The following DISC1 variants were observed in gnomAD, a reference collection of about 807,000 sequenced individuals.
DISC1 encodes DISC1 scaffold protein.
Under a neutral mutation model 84.5 loss-of-function variants are expected in DISC1, and 57 were observed. The observed-to-expected ratio is 0.67, with a 90% CI of 0.55 to 0.84. DISC1 has a LOEUF of 0.84. Among genes scored for constraint, DISC1 ranks in the 40% least tolerant of loss-of-function variants. The probability of loss-of-function intolerance (pLI) is 0.00; values close to 1 mark genes in which losing one functional copy is unlikely to be tolerated. For missense variants in DISC1, 1,000 were observed against 1,057.8 expected (o/e 0.95, Z 0.76); for synonymous variants, 411 against 415.2 (o/e 0.99, Z 0.12).
chr1:231,833,198 G>C (rs1271095073), intron 9 of DISC1, among the ~76,000 whole-genome samples: 2 of 150,658 alleles, frequency 1.3e-5, no homozygotes, highest in Non-Finnish European at 2.9e-5. Flanking sequence ...GAACTGGACA[G>C]GTGGGGACAA....
intron 9 of DISC1, among the ~76,000 whole-genome samples, chr1:231,877,831 A>T (rs1304943943): frequency 6.6e-6 from 1 of 152,246 alleles, no homozygotes; most frequent in African/African-American, 2.4e-5. Context: ...ATGTGCATGG[A>T]ATCAGCTTAT....
chr1:231,735,017 G>A (rs759489247), intron 3 of DISC1, among the ~76,000 whole-genome samples: 1 of 152,154 alleles, frequency 6.6e-6, no homozygotes, highest in Non-Finnish European at 1.5e-5. Flanking sequence ...AGTAGCATAA[G>A]TAACTTGTAG....
chr1:231,880,361 C>T (rs2086203970), intron 9 of DISC1, among the ~76,000 whole-genome samples: 1 of 152,084 alleles, frequency 6.6e-6, no homozygotes, highest in Non-Finnish European at 1.5e-5. Flanking sequence ...TCTGTTATAG[C>T]AATAAAAACC....
intron 9 of DISC1, among the ~76,000 whole-genome samples, chr1:231,884,737 T>C (rs981576841): frequency 3.3e-5 from 5 of 151,286 alleles, no homozygotes; most frequent in Non-Finnish European, 7.4e-5. Flanking sequence ...CAAACCTTCA[T>C]GACATGAAAT....
At chr1:231,753,116 G>A (rs2074785057) in intron 4 of DISC1, among the ~76,000 whole-genome samples, 2 of 152,232 alleles carry the variant, frequency 1.3e-5, no homozygotes. Flanking sequence ...GGGTCTGCAG[G>A]ATGGTGGCCC....
intron 10 of DISC1, among the ~76,000 whole-genome samples, chr1:232,006,820 T>C (rs569071719): frequency 2.0e-5 from 3 of 152,294 alleles, no homozygotes; most frequent in Admixed American, 2.0e-4. Flanking sequence ...TCAGAGGTCT[T>C]CATGGCAGCC....
chr1:231,957,870 G>A (rs898775944), intron 9 of DISC1, among the ~76,000 whole-genome samples: 1 of 152,132 alleles, frequency 6.6e-6, no homozygotes, highest in African/African-American at 2.4e-5. Flanking sequence ...AGAATCCCCA[G>A]ACACTCCAGT....
chr1:231,958,679 C>T (rs1659949266), intron 9 of DISC1, 149 bp from the exon 10 acceptor site: 2 of 814,074 alleles, frequency 2.5e-6, no homozygotes, highest in Non-Finnish European at 4.0e-6. Context: ...GGCAGCCACT[C>T]CAGTGGATTT....
intron 9 of DISC1, among the ~76,000 whole-genome samples, chr1:231,840,600 C>A (rs1011576064): frequency 6.6e-6 from 1 of 152,092 alleles, no homozygotes; most frequent in Admixed American, 6.5e-5. Flanking sequence ...GGAAAAGAGA[C>A]CTCTAAGGGC....
chr1:231,731,683 T>A (rs1419541295), intron 3 of DISC1, among the ~76,000 whole-genome samples: 1 of 152,244 alleles, frequency 6.6e-6, no homozygotes, highest in African/African-American at 2.4e-5. Context: ...GTTTCCAAAT[T>A]AACTGAGAAG....
At chr1:231,712,493 A>C (rs1441233384) in intron 3 of DISC1, among the ~76,000 whole-genome samples, 1 of 152,256 alleles carries the variant, frequency 6.6e-6, no homozygotes, top group Admixed American at 6.5e-5. Flanking sequence ...AAGTTTAAGC[A>C]ACCAAGCAAA....
chr1:231,868,745 C>T (rs2085247417), intron 9 of DISC1, among the ~76,000 whole-genome samples: 1 of 133,444 alleles, frequency 7.5e-6, no homozygotes, highest in African/African-American at 2.6e-5. Flanking sequence ...TTTAGCTGGG[C>T]ATGATGGTAA....
chr1:231,750,385 C>T, intron 4 of DISC1: 4 of 1,146,476 alleles, frequency 3.5e-6, no homozygotes, highest in East Asian at 5.1e-5. Context: ...GTAATTTCCT[C>T]TTGTTGAGGC....
intron 9 of DISC1, among the ~76,000 whole-genome samples, chr1:231,850,621 GT>G (rs1276771805): frequency 1.3e-5 from 2 of 152,136 alleles, no homozygotes; most frequent in Non-Finnish European, 2.9e-5. Context: ...GTTAAGAAAT[GT>G]TTTTGGAGTT....
chr1:231,795,162 C>G, intron 6 of DISC1, 80 bp from the exon 7 acceptor site: 1 of 1,406,272 alleles, frequency 7.1e-7, no homozygotes, highest in African/African-American at 1.4e-5. Flanking sequence ...GGAAGGTTCA[C>G]TTTTTGCAGT....
Position 231,701,942 on chromosome 1 carries a change from TA to T in DISC1, c.1048-10del. 1 of 1,591,178 alleles carries T rather than the reference TA, an allele frequency of 6.3e-7. No homozygotes were observed. Among genetic ancestry groups the T allele is most frequent in the Non-Finnish European group, 8.6e-7 (1 of 1,168,378 alleles). Reference sequence around the variant, plus strand: ...TTGTAATTTTTTATTTTTTCCCCTTTAAACCAACATAGGTAATATCCTTAAG... The same window carrying T: ...TTGTAATTTTTTATTTTTTCCCCTTTAACCAACATAGGTAATATCCTTAAG... On this transcript the variant is annotated splice_polypyrimidine_tract_variant and intron_variant, in intron 2 of 12. Coordinates refer to ENST00000439617, the MANE Select transcript of DISC1 (RefSeq NM_018662.3).
intron 11 of DISC1, among the ~76,000 whole-genome samples, chr1:232,025,682 C>T (rs551501632): frequency 1.3e-5 from 2 of 151,144 alleles, no homozygotes; most frequent in East Asian, 3.9e-4. Flanking sequence ...CTGCAAGCTC[C>T]GCCTCCTGGG....
intron 9 of DISC1, among the ~76,000 whole-genome samples, chr1:231,885,182 G>T (rs936515523): frequency 6.6e-6 from 1 of 152,168 alleles, no homozygotes; most frequent in Middle Eastern, 3.2e-3. Context: ...TAGAGATTTT[G>T]TCCTGAAACA....
At position 232,027,061 on chromosome 1, in the gene DISC1, A is replaced by G. The variant is rs574413256; in HGVS notation, c.2425+509A>G. Among the ~76,000 whole-genome samples, 17 of 152,230 alleles carry G rather than the reference A, an allele frequency of 1.1e-4. No individual in the cohort carries two copies. In the East Asian group the frequency reaches 3.3e-3, roughly 29 times the overall value. ...CCACCGCATCCGGCCGCAATTCAGT[A>G]TTTTTAATTGCTAAATCCAACCACT... On this transcript the variant is annotated intron_variant, in intron 12 of 12. Coordinates refer to ENST00000439617, the MANE Select transcript of DISC1 (RefSeq NM_018662.3).
Sources: gnomAD v4.1 joint callset for allele counts (sites outside exome capture counted in the v4.1 genomes callset) on GRCh38, gnomAD v4.1.1 for gene constraint, MANE v1.5 for transcripts, NCBI Gene and HGNC (gene_info 2026-07-23, HGNC 2026-07-21) for gene names.